ALK: variants seen among roughly 807,000 people sequenced by gnomAD.
ALK encodes ALK receptor tyrosine kinase, also known as ALK tyrosine kinase receptor.
Under a neutral mutation model 163.1 loss-of-function variants are expected in ALK, and 74 were observed. That is an observed-to-expected ratio of 0.45 (90% confidence interval 0.38 to 0.55). The LOEUF is 0.55. Ranked by LOEUF, ALK falls within the 20% of genes least tolerant of loss-of-function variation. The pLI is 0.00. For missense variants in ALK, 2,063 were observed against 2,105.3 expected (o/e 0.98, Z 0.39); for synonymous variants, 960 against 843.2 (o/e 1.14, Z -2.40).
chr2:29,287,077 A>T (rs1665877729), intron 9 of ALK, among the ~76,000 whole-genome samples: 1 of 152,206 alleles, frequency 6.6e-6, no homozygotes, highest in Admixed American at 6.5e-5. Context: ...TTTGAGAAAC[A>T]TGGTGCATTG....
At chr2:29,589,476 G>A (rs34938026) in intron 3 of ALK, among the ~76,000 whole-genome samples, 8,037 of 152,218 alleles carry the variant, frequency 0.053, 251 homozygotes, top group Non-Finnish European at 0.075. Context: ...TGATGAAATC[G>A]AGGGCAGAGA....
chr2:29,402,075 C>G (rs952620560), intron 4 of ALK, among the ~76,000 whole-genome samples: 1 of 152,186 alleles, frequency 6.6e-6, no homozygotes, highest in African/African-American at 2.4e-5. Flanking sequence ...CACAAGAGAT[C>G]AGTGGAGGAA....
At chr2:29,339,335 G>A (rs1244816082) in intron 5 of ALK, among the ~76,000 whole-genome samples, 4 of 152,118 alleles carry the variant, frequency 2.6e-5, no homozygotes, top group African/African-American at 9.7e-5. Flanking sequence ...AAAAGGCTGT[G>A]GAGGAGCGGA....
chr2:29,781,284 G>A (rs534287300), intron 1 of ALK, among the ~76,000 whole-genome samples: 18 of 152,258 alleles, frequency 1.2e-4, no homozygotes, highest in South Asian at 8.3e-4. Context: ...TTGGCAGGGC[G>A]ATTCCCTCAA....
chr2:29,826,265 G>C (rs1003310562), intron 1 of ALK, among the ~76,000 whole-genome samples: 2 of 105,760 alleles, frequency 1.9e-5, no homozygotes, highest in African/African-American at 6.5e-5. Context: ...AAAAGAAAGA[G>C]TGTGCCTGTG....
At chr2:29,649,422 G>T (rs1174500981) in intron 3 of ALK, among the ~76,000 whole-genome samples, 2 of 151,982 alleles carry the variant, frequency 1.3e-5, no homozygotes, top group South Asian at 2.1e-4. Context: ...GTTGATCCTT[G>T]GTTGTTCTTT....
At chr2:29,654,255 C>A (rs1002771312) in intron 3 of ALK, among the ~76,000 whole-genome samples, 7 of 152,118 alleles carry the variant, frequency 4.6e-5, no homozygotes, top group African/African-American at 1.7e-4. Context: ...GACCCAAGTT[C>A]TCCTTATTCC....
chr2:29,243,622 T>G (rs1664580103), intron 12 of ALK, among the ~76,000 whole-genome samples: 1 of 152,198 alleles, frequency 6.6e-6, no homozygotes, highest in Non-Finnish European at 1.5e-5. Flanking sequence ...CTGTTCAGTT[T>G]CACCCAGGGC....
chr2:29,858,793 C>T (rs1405950434), intron 1 of ALK, among the ~76,000 whole-genome samples: 1 of 151,868 alleles, frequency 6.6e-6, no homozygotes, highest in Non-Finnish European at 1.5e-5. Context: ...AATCCCAGCA[C>T]TTTGGGAGGC....
chr2:29,783,005 G>A (rs1447644764), intron 1 of ALK, among the ~76,000 whole-genome samples: 1 of 152,178 alleles, frequency 6.6e-6, no homozygotes, highest in Admixed American at 6.5e-5. Flanking sequence ...ACTCCTGCCT[G>A]CGATGGTAGC....
intron 1 of ALK, among the ~76,000 whole-genome samples, chr2:29,756,529 A>AT (rs35599126): frequency 0.7 from 96,466 of 138,694 alleles, 33,719 homozygotes; most frequent in Non-Finnish European, 0.73. Context: ...TTACTCATTG[A>AT]TTTTTTTTTT....
At chr2:29,693,471 C>A (rs1678463792) in intron 3 of ALK, among the ~76,000 whole-genome samples, 1 of 151,486 alleles carries the variant, frequency 6.6e-6, no homozygotes, top group South Asian at 2.1e-4. Context: ...ATACCTATCA[C>A]CATCCAGATA....
intron 11 of ALK, among the ~76,000 whole-genome samples, chr2:29,261,371 T>C (rs980086409): frequency 6.6e-6 from 1 of 151,426 alleles, no homozygotes; most frequent in Non-Finnish European, 1.5e-5. Context: ...TGTGCTTATG[T>C]AGGGATTTGG....
rs775839459 is a variant in ALK at position 29,239,698 on chromosome 2, T to G, written c.2337A>C (p.Gly779=). 1.8e-5 allele frequency: 29 copies of G among 1,613,986 alleles called. No homozygotes were observed. In the African/African-American group the frequency reaches 2.9e-4, roughly 16 times the overall value. Residue 779 remains glycine, a synonymous_variant, in exon 13 of 29, where the codon GGA becomes GGC. Transcript: ENST00000389048. ...DMLYILVGQQ[G]EDACPSTNQL... is the part of the protein sequence containing the mutation. ...CACTTACACTGGGGCAGGCGTCCTCTCCCTGCTGCCCAACCAGGATGTACA... is the reference window on the plus strand; with the variant it reads ...CACTTACACTGGGGCAGGCGTCCTCGCCCTGCTGCCCAACCAGGATGTACA...
intron 1 of ALK, among the ~76,000 whole-genome samples, chr2:29,896,870 G>A (rs958108219): frequency 5.3e-5 from 8 of 152,188 alleles, no homozygotes; most frequent in Non-Finnish European, 1.5e-5. Context: ...TCTGTATTGT[G>A]TAAATACATG....
At chr2:29,702,467 T>G (rs1269523508) in intron 2 of ALK, among the ~76,000 whole-genome samples, 1 of 152,164 alleles carries the variant, frequency 6.6e-6, no homozygotes, top group Non-Finnish European at 1.5e-5. Flanking sequence ...AGGTGAGGAC[T>G]GAGTCAGAGG....
At chr2:29,391,379 G>T (rs1669168159) in intron 4 of ALK, among the ~76,000 whole-genome samples, 1 of 151,124 alleles carries the variant, frequency 6.6e-6, no homozygotes. Flanking sequence ...TTGGCTCACT[G>T]CAACGTCCGC....
At chr2:29,195,558 A>G (rs1056802448) in intron 28 of ALK, among the ~76,000 whole-genome samples, 2 of 151,954 alleles carry the variant, frequency 1.3e-5, no homozygotes, top group Non-Finnish European at 2.9e-5. Context: ...ATGGTGAAAC[A>G]CCATCTCTAC....
chr2:29,234,821 T>A (rs553410255), intron 13 of ALK, among the ~76,000 whole-genome samples: 1 of 152,232 alleles, frequency 6.6e-6, no homozygotes, highest in Non-Finnish European at 1.5e-5. Flanking sequence ...CTTGGCCCAC[T>A]GCAACTTCTG....
Sources: allele counts gnomAD v4.1 joint callset (sites outside exome capture counted in the v4.1 genomes callset), GRCh38; gene constraint gnomAD v4.1.1; transcripts MANE v1.5; gene names NCBI Gene and HGNC (gene_info 2026-07-23, HGNC 2026-07-21).